GPHN: variants seen among roughly 807,000 people sequenced by gnomAD.
GPHN encodes the protein gephyrin.
In GPHN, 17 loss-of-function variants were observed where a neutral mutation model predicts 95.5. The observed-to-expected ratio is 0.18, with a 90% CI of 0.12 to 0.27. The LOEUF (loss-of-function observed/expected upper bound fraction) is 0.27. Ranked by LOEUF, GPHN falls within the 10% of genes least tolerant of loss-of-function variation. GPHN has a pLI of 1.00. For missense variants in GPHN, 660 were observed against 978.1 expected (o/e 0.67, Z 4.34); for synonymous variants, 320 against 322.5 (o/e 0.99, Z 0.08).
intron 1 of GPHN, among the ~76,000 whole-genome samples, chr14:66,631,704 C>T (rs1183791402): frequency 1.3e-5 from 2 of 152,068 alleles, no homozygotes; most frequent in African/African-American, 4.8e-5. Flanking sequence ...TATTAAGGCT[C>T]ATACTGTGCT....
the GPHN span, among the ~76,000 whole-genome samples, chr14:67,556,279 T>A: frequency 6.6e-6 from 1 of 152,134 alleles, no homozygotes; most frequent in African/African-American, 2.4e-5. Context: ...GCCTTCTTGG[T>A]TGCCATGGCA....
intron 4 of GPHN, among the ~76,000 whole-genome samples, chr14:66,830,240 G>A (rs1596054092): frequency 6.6e-6 from 1 of 151,916 alleles, no homozygotes; most frequent in East Asian, 1.9e-4. Flanking sequence ...TTAGTAATCC[G>A]AATAATGTTA....
intron 2 of GPHN, among the ~76,000 whole-genome samples, chr14:66,694,817 A>G (rs537604180): frequency 6.6e-6 from 1 of 152,342 alleles, no homozygotes; most frequent in Non-Finnish European, 1.5e-5. Flanking sequence ...ATAATGTACT[A>G]TTACTTAAAA....
At chr14:66,618,193 A>T (rs1231716006) in intron 1 of GPHN, among the ~76,000 whole-genome samples, 1 of 152,134 alleles carries the variant, frequency 6.6e-6, no homozygotes. Context: ...AATTATTAGG[A>T]TGATAGCCTT....
At chr14:67,173,307 G>A (rs1189173417) in intron 21 of GPHN, among the ~76,000 whole-genome samples, 1 of 152,122 alleles carries the variant, frequency 6.6e-6, no homozygotes, top group Admixed American at 6.5e-5. Flanking sequence ...GATCTCCCTA[G>A]GCTATATCTT....
At chr14:67,270,198 CTTG>C in the GPHN span, 1 of 152,178 alleles carries the variant, frequency 6.6e-6, no homozygotes. Flanking sequence ...ATCATTTGCA[CTTG>C]TTGTGAAGCT....
intron 1 of GPHN, among the ~76,000 whole-genome samples, chr14:66,628,623 C>G (rs1361065642): frequency 6.6e-6 from 1 of 152,118 alleles, no homozygotes; most frequent in Non-Finnish European, 1.5e-5. Context: ...ACAATGTATA[C>G]TTAACTACAC....
At chr14:67,534,886 G>A in the GPHN span, among the ~76,000 whole-genome samples, 1 of 152,212 alleles carries the variant, frequency 6.6e-6, no homozygotes, top group Non-Finnish European at 1.5e-5. Flanking sequence ...GATATACTCT[G>A]ATGTATATGA....
intron 3 of GPHN, among the ~76,000 whole-genome samples, chr14:66,779,131 C>T (rs1301403078): frequency 6.6e-6 from 1 of 152,092 alleles, no homozygotes; most frequent in Non-Finnish European, 1.5e-5. Context: ...TTATATGATA[C>T]ACTATTAGCT....
chr14:67,141,115 A>G (rs750259363), intron 17 of GPHN, among the ~76,000 whole-genome samples: 7 of 152,140 alleles, frequency 4.6e-5, no homozygotes, highest in Non-Finnish European at 8.8e-5. Context: ...TGAACCTTAT[A>G]TGAGCCATTT....
the GPHN span, chr14:67,674,550 C>T: frequency 2.8e-6 from 4 of 1,451,968 alleles, no homozygotes; most frequent in South Asian, 4.0e-5. Context: ...CTTTCCTAGC[C>T]CGGCGGTCAG....
the GPHN span, among the ~76,000 whole-genome samples, chr14:67,455,057 C>T: frequency 6.6e-6 from 1 of 152,286 alleles, no homozygotes; most frequent in African/African-American, 2.4e-5. Context: ...ACCATGTTGA[C>T]CAGGCAGGTC....
intron 17 of GPHN, among the ~76,000 whole-genome samples, chr14:67,133,185 A>AT (rs59078117): frequency 0.33 from 49,496 of 151,918 alleles, 12,823 homozygotes; most frequent in African/African-American, 0.7. Context: ...CTATGATATG[A>AT]TAATAGATGT....
At chr14:67,634,161 T>A in the GPHN span, among the ~76,000 whole-genome samples, 1 of 152,312 alleles carries the variant, frequency 6.6e-6, no homozygotes, top group Admixed American at 6.5e-5. Context: ...ATCACAACCC[T>A]TGATGAGTTT....
chr14:67,360,864 C>T, the GPHN span: 2 of 152,222 alleles, frequency 1.3e-5, no homozygotes, highest in Non-Finnish European at 2.9e-5. Context: ...TCCGCCCCAA[C>T]AGCTCTACCA....
At chr14:67,154,810 A>G (rs2081491764) in intron 18 of GPHN, among the ~76,000 whole-genome samples, 1 of 152,168 alleles carries the variant, frequency 6.6e-6, no homozygotes, top group South Asian at 2.1e-4. Flanking sequence ...TATTTGGACC[A>G]ATTCTCCCAC....
chr14:66,864,451 T>C (rs1370472440), intron 4 of GPHN, among the ~76,000 whole-genome samples: 1 of 152,108 alleles, frequency 6.6e-6, no homozygotes, highest in African/African-American at 2.4e-5. Flanking sequence ...TGATCCAGCA[T>C]TCCCACTGCT....
the GPHN span, among the ~76,000 whole-genome samples, chr14:67,400,186 A>G: frequency 6.6e-6 from 1 of 152,214 alleles, no homozygotes; most frequent in South Asian, 2.1e-4. Context: ...CTTGAGCCCA[A>G]ACAGAATTTA....
At chr14:67,619,761 G>A in the GPHN span, 5 of 519,458 alleles carry the variant, frequency 9.6e-6, no homozygotes, top group African/African-American at 8.2e-5. Context: ...CGTCATCGAA[G>A]GCACGTCCCA....
Sources: gnomAD v4.1 joint callset for allele counts (sites outside exome capture counted in the v4.1 genomes callset) on GRCh38, gnomAD v4.1.1 for gene constraint, MANE v1.5 for transcripts, NCBI Gene and HGNC (gene_info 2026-07-23, HGNC 2026-07-21) for gene names.